The following CCNY variants were observed in gnomAD, a reference collection of about 807,000 sequenced individuals.
CCNY encodes the protein cyclin-Y.
In CCNY, 19 loss-of-function variants were observed where a neutral mutation model predicts 42.8. The observed-to-expected ratio is 0.44, with a 90% CI of 0.31 to 0.65. CCNY has a LOEUF of 0.65. Among genes scored for constraint, CCNY ranks in the 30% least tolerant of loss-of-function variants. The pLI is 0.07. For synonymous variants in CCNY, 165 were observed against 162.7 expected (o/e 1.01, Z -0.11); for missense variants, 370 against 437.3 (o/e 0.85, Z 1.37).
intron 3 of CCNY, among the ~76,000 whole-genome samples, chr10:35,282,720 CAAAAAAAAAAAA>C (rs71033390): frequency 1.1e-5 from 1 of 88,268 alleles, no homozygotes; most frequent in Non-Finnish European, 2.3e-5. Flanking sequence ...GAGACTGTCT[CAAAAAAAAAAAA>C]AAAAAGAAAA....
chr10:35,360,389 C>T (rs1300720256), intron 1 of CCNY, among the ~76,000 whole-genome samples: 8 of 149,052 alleles, frequency 5.4e-5, no homozygotes, highest in East Asian at 2.0e-4. Flanking sequence ...TGGGCTTAAG[C>T]GATCCTCCTG....
At chr10:35,491,550 G>A (rs1839895982) in intron 2 of CCNY, among the ~76,000 whole-genome samples, 1 of 152,164 alleles carries the variant, frequency 6.6e-6, no homozygotes, top group African/African-American at 2.4e-5. Context: ...CTTGGGGTTG[G>A]CATGTCCAAA....
chr10:35,372,311 C>T (rs970624454), intron 1 of CCNY, among the ~76,000 whole-genome samples: 5 of 152,270 alleles, frequency 3.3e-5, no homozygotes, highest in East Asian at 1.9e-4. Context: ...GAATTTAATG[C>T]GTTAGCAGTG....
At chr10:35,511,870 C>T (rs888484214) in intron 3 of CCNY, among the ~76,000 whole-genome samples, 3 of 152,090 alleles carry the variant, frequency 2.0e-5, no homozygotes, top group East Asian at 1.9e-4. Context: ...AGAGTTGACT[C>T]GTGTGTCTCT....
At chr10:35,313,976 G>A (rs1353017164) in intron 3 of CCNY, among the ~76,000 whole-genome samples, 7 of 115,436 alleles carry the variant, frequency 6.1e-5, no homozygotes, top group South Asian at 3.0e-4. Context: ...AGTTCATCTC[G>A]GAAAAAAAAA....
chr10:35,382,785 T>G (rs1234465385), intron 1 of CCNY, among the ~76,000 whole-genome samples: 1 of 152,238 alleles, frequency 6.6e-6, no homozygotes, highest in Non-Finnish European at 1.5e-5. Flanking sequence ...TCTCATAAGG[T>G]TGTTGTGAAA....
chr10:35,282,328 T>C (rs1303967614), intron 3 of CCNY, among the ~76,000 whole-genome samples: 3 of 152,108 alleles, frequency 2.0e-5, no homozygotes, highest in Admixed American at 6.6e-5. Context: ...GGTCTTACTA[T>C]GTTGCCCAGG....
intron 3 of CCNY, among the ~76,000 whole-genome samples, chr10:35,505,806 G>T (rs141341266): frequency 6.6e-6 from 1 of 152,282 alleles, no homozygotes; most frequent in African/African-American, 2.4e-5. Context: ...TTTGAGTATG[G>T]ATATAGTTTT....
At chr10:35,553,255 CTTT>C in intron 8 of CCNY, 70 bp downstream of exon 8, 1 of 1,525,210 alleles carries the variant, frequency 6.6e-7, no homozygotes, top group Non-Finnish European at 9.0e-7. Flanking sequence ...AAGCTGCCTC[CTTT>C]TTTAATGGTC....
chr10:35,565,337 C>T (rs1033342398), intron 8 of CCNY, among the ~76,000 whole-genome samples: 1 of 152,168 alleles, frequency 6.6e-6, no homozygotes, highest in Non-Finnish European at 1.5e-5. Context: ...AATGCACATT[C>T]TCAGGCCCCA....
At chr10:35,391,746 A>G (rs1020532176) in intron 1 of CCNY, among the ~76,000 whole-genome samples, 2 of 152,196 alleles carry the variant, frequency 1.3e-5, no homozygotes, top group Admixed American at 6.5e-5. Flanking sequence ...GCCTGGGATC[A>G]AGCAGGTTCT....
intron 3 of CCNY, among the ~76,000 whole-genome samples, chr10:35,312,747 C>CTTTTTTTTTT (rs10688043): frequency 2.7e-5 from 3 of 112,154 alleles, no homozygotes; most frequent in Non-Finnish European, 3.5e-5. Context: ...TTCCTTTTTA[C>CTTTTTTTTTT]TTTTTTTTTT....
At chr10:35,371,755 G>A (rs1015071644) in intron 1 of CCNY, among the ~76,000 whole-genome samples, 1 of 152,164 alleles carries the variant, frequency 6.6e-6, no homozygotes, top group African/African-American at 2.4e-5. Context: ...GGGGAGAAGC[G>A]AAAACCAAGA....
rs999686777 is a variant in CCNY, at chr10:35,409,093, C to CT, written c.154+71894dup. On this transcript the variant is annotated intron_variant, in intron 1 of 9. Coordinates refer to ENST00000374704, the MANE Select transcript of CCNY (RefSeq NM_145012.6). ...AAGAAATGAAGTACATTAAGGAGGC[C>CT]TTTTTTTTCCTCCAATGGCTGTTAG... Among the ~76,000 whole-genome samples the CT allele has an allele frequency of 7.2e-5, 11 of 151,964 alleles. No individual in the cohort carries two copies. The South Asian group carries it at 8.3e-4, about 11-fold the overall frequency.
intron 3 of CCNY, among the ~76,000 whole-genome samples, chr10:35,262,945 T>C (rs1255894117): frequency 6.7e-6 from 1 of 149,872 alleles, no homozygotes; most frequent in Non-Finnish European, 1.5e-5. Context: ...AGGTCACGTG[T>C]GGTGGCTCAT....
At chr10:35,371,897 CATTGCATGAGTG>C (rs1836945459) in intron 1 of CCNY, among the ~76,000 whole-genome samples, 2 of 152,292 alleles carry the variant, frequency 1.3e-5, no homozygotes, top group Admixed American at 6.5e-5. Flanking sequence ...GAGCAAGTTT[CATTGCATGAGTG>C]ATTGCATGAG....
intron 1 of CCNY, among the ~76,000 whole-genome samples, chr10:35,338,039 CATGCTTAAAA>C (rs1836089164): frequency 2.6e-5 from 4 of 152,198 alleles, no homozygotes; most frequent in Non-Finnish European, 5.9e-5. Flanking sequence ...ATTTATGCAT[CATGCTTAAAA>C]TATAGTTTAT....
chr10:35,421,019 A>G (rs1838147341), intron 1 of CCNY, among the ~76,000 whole-genome samples: 1 of 152,220 alleles, frequency 6.6e-6, no homozygotes, highest in Non-Finnish European at 1.5e-5. Context: ...TTAGTCACAC[A>G]GCCAGCCCAG....
chr10:35,519,127 A>G (rs1840490860), intron 4 of CCNY, among the ~76,000 whole-genome samples: 1 of 151,508 alleles, frequency 6.6e-6, no homozygotes, highest in Non-Finnish European at 1.5e-5. Flanking sequence ...TGGATTTTTA[A>G]CAGATCTTGA....
Sources: gnomAD v4.1 joint callset for allele counts (sites outside exome capture counted in the v4.1 genomes callset) on GRCh38, gnomAD v4.1.1 for gene constraint, MANE v1.5 for transcripts, NCBI Gene and HGNC (gene_info 2026-07-23, HGNC 2026-07-21) for gene names.